Variants in ZNF804B observed in about 807,000 individuals in gnomAD.
The protein encoded by ZNF804B is zinc finger 804B.
A neutral mutation model predicts 101.4 loss-of-function variants in ZNF804B; 80 were observed. The observed-to-expected ratio is 0.79, with a 90% CI of 0.66 to 0.95. ZNF804B has a LOEUF of 0.95. Among genes scored for constraint, ZNF804B ranks in the 40% least tolerant of loss-of-function variants. The probability of loss-of-function intolerance (pLI) is 0.00; values close to 1 mark genes in which losing one functional copy is unlikely to be tolerated. For missense variants in ZNF804B, 1,673 were observed against 1,561.9 expected (o/e 1.07, Z -1.20); for synonymous variants, 622 against 558.8 (o/e 1.11, Z -1.59).
intron 1 of ZNF804B, among the ~76,000 whole-genome samples, chr7:89,138,680 A>G (rs937824804): frequency 6.6e-6 from 1 of 152,070 alleles, no homozygotes; most frequent in Non-Finnish European, 1.5e-5. Context: ...CAGTTCCCAC[A>G]TGTTGTGGGA....
chr7:88,864,926 A>G (rs756689556), intron 1 of ZNF804B, among the ~76,000 whole-genome samples: 3 of 152,126 alleles, frequency 2.0e-5, no homozygotes, highest in Non-Finnish European at 4.4e-5. Flanking sequence ...TTTCTTCTCC[A>G]CCCATAAAAA....
At chr7:88,767,626 A>G (rs920559296) in intron 1 of ZNF804B, among the ~76,000 whole-genome samples, 1 of 152,214 alleles carries the variant, frequency 6.6e-6, no homozygotes, top group Non-Finnish European at 1.5e-5. Flanking sequence ...TTCATCTGAT[A>G]TGAAAGGAAG....
chr7:89,328,762 T>TA (rs1202032205), intron 3 of ZNF804B, among the ~76,000 whole-genome samples: 1 of 151,928 alleles, frequency 6.6e-6, no homozygotes, highest in African/African-American at 2.4e-5. Context: ...CTAACATAGA[T>TA]ATACGTCTTT....
intron 1 of ZNF804B, among the ~76,000 whole-genome samples, chr7:88,877,060 T>A (rs1460212238): frequency 7.9e-4 from 54 of 68,192 alleles, no homozygotes; most frequent in African/African-American, 3.9e-3. Context: ...TTTTTTTTTT[T>A]TTTTTTTTTT....
chr7:88,789,291 T>A (rs1198389053), intron 1 of ZNF804B, among the ~76,000 whole-genome samples: 1 of 152,114 alleles, frequency 6.6e-6, no homozygotes, highest in Non-Finnish European at 1.5e-5. Flanking sequence ...TGAGAAAAAG[T>A]GAGTAGACAG....
chr7:89,105,335 C>A (rs1312362645), intron 1 of ZNF804B, among the ~76,000 whole-genome samples: 1 of 152,056 alleles, frequency 6.6e-6, no homozygotes, highest in Non-Finnish European at 1.5e-5. Context: ...CCTCATGCAT[C>A]CAATGAACGG....
chr7:89,113,965 A>C (rs918967771), intron 1 of ZNF804B, among the ~76,000 whole-genome samples: 1 of 152,140 alleles, frequency 6.6e-6, no homozygotes, highest in African/African-American at 2.4e-5. Flanking sequence ...AGTAATTAAA[A>C]GGAATTTCCT....
intron 1 of ZNF804B, among the ~76,000 whole-genome samples, chr7:89,125,162 G>T (rs1021791160): frequency 6.6e-6 from 1 of 151,128 alleles, no homozygotes; most frequent in Admixed American, 6.6e-5. Flanking sequence ...GCCTGATTTT[G>T]GTGATGAGCT....
intron 1 of ZNF804B, among the ~76,000 whole-genome samples, chr7:88,786,737 A>G (rs1466348763): frequency 6.6e-6 from 1 of 152,138 alleles, no homozygotes; most frequent in Non-Finnish European, 1.5e-5. Flanking sequence ...GATAATTCCA[A>G]CAAAAATTGT....
At chr7:89,309,695 G>A (rs1790619286) in intron 2 of ZNF804B, among the ~76,000 whole-genome samples, 1 of 146,242 alleles carries the variant, frequency 6.8e-6, no homozygotes, top group Admixed American at 6.9e-5. Context: ...TGCAGGCGGA[G>A]GTTACAATGA....
At chr7:88,878,762 C>A (rs1334150949) in intron 1 of ZNF804B, among the ~76,000 whole-genome samples, 1 of 152,048 alleles carries the variant, frequency 6.6e-6, no homozygotes, top group African/African-American at 2.4e-5. Flanking sequence ...TTAGTAAAAT[C>A]TTAATGAGAT....
chr7:89,316,113 C>T (rs114014234), intron 2 of ZNF804B, among the ~76,000 whole-genome samples: 210 of 152,160 alleles, frequency 1.4e-3, no homozygotes, highest in African/African-American at 4.7e-3. Context: ...TCTTCATGCC[C>T]ATTAAGATGT....
chr7:88,971,609 T>C (rs936569919), intron 1 of ZNF804B, among the ~76,000 whole-genome samples: 2 of 151,636 alleles, frequency 1.3e-5, no homozygotes, highest in Non-Finnish European at 3.0e-5. Context: ...TGTTAAGATA[T>C]GGAGATAAAT....
chr7:88,889,714 C>T (rs1295003419), intron 1 of ZNF804B, among the ~76,000 whole-genome samples: 1 of 140,876 alleles, frequency 7.1e-6, no homozygotes, highest in East Asian at 2.1e-4. Flanking sequence ...TATTTACTGC[C>T]ATTCTGTAAG....
At chr7:89,232,644 T>C (rs1177910994) in intron 2 of ZNF804B, among the ~76,000 whole-genome samples, 1 of 152,168 alleles carries the variant, frequency 6.6e-6, no homozygotes, top group African/African-American at 2.4e-5. Flanking sequence ...TCATGTATGT[T>C]GTCAAAAACT....
intron 1 of ZNF804B, among the ~76,000 whole-genome samples, chr7:88,923,267 T>C (rs1412706943): frequency 2.6e-5 from 4 of 152,086 alleles, no homozygotes; most frequent in African/African-American, 9.7e-5. Flanking sequence ...GTATCTGCCA[T>C]AGAACTCTCT....
At chr7:88,872,964 T>G (rs1468226067) in intron 1 of ZNF804B, among the ~76,000 whole-genome samples, 7 of 152,006 alleles carry the variant, frequency 4.6e-5, no homozygotes, top group Admixed American at 4.6e-4. Context: ...GCATGATTTA[T>G]AGTCCTTTGG....
chr7:89,224,593 G>A (rs985551894), intron 2 of ZNF804B, among the ~76,000 whole-genome samples: 2 of 150,082 alleles, frequency 1.3e-5, no homozygotes, highest in Non-Finnish European at 3.0e-5. Flanking sequence ...TGAGTGGTAG[G>A]GTCAGCAACA....
At chr7:88,762,755 CA>C (rs1330037000) in intron 1 of ZNF804B, among the ~76,000 whole-genome samples, 2 of 150,252 alleles carry the variant, frequency 1.3e-5, no homozygotes, top group Non-Finnish European at 3.0e-5. Context: ...ACCTTTACAT[CA>C]ATGACTTTAA....
Sources: allele counts gnomAD v4.1 joint callset (sites outside exome capture counted in the v4.1 genomes callset), GRCh38; gene constraint gnomAD v4.1.1; transcripts MANE v1.5; gene names NCBI Gene and HGNC (gene_info 2026-07-23, HGNC 2026-07-21).